Variants in CMIP observed in about 807,000 individuals in gnomAD.
CMIP encodes c-Maf inducing protein, also known as C-Maf-inducing protein.
In CMIP, 13 loss-of-function variants were observed where a neutral mutation model predicts 97.3. The observed-to-expected ratio is 0.13, with a 90% CI of 0.09 to 0.21. CMIP has a LOEUF of 0.21. CMIP is among the 10% of genes least tolerant of loss of function. The pLI, the probability that CMIP is intolerant of heterozygous loss-of-function variation, is 1.00. For synonymous variants in CMIP, 538 were observed against 436.3 expected (o/e 1.23, Z -2.91); for missense variants, 847 against 1,024.9 (o/e 0.83, Z 2.37).
chr16:81,538,172 G>C (rs1366836360), intron 1 of CMIP, among the ~76,000 whole-genome samples: 2 of 152,228 alleles, frequency 1.3e-5, no homozygotes, highest in East Asian at 3.8e-4. Flanking sequence ...ACTTGCTCCA[G>C]ATTAGGGAAG....
chr16:81,588,352 G>C (rs1016748428), intron 1 of CMIP, among the ~76,000 whole-genome samples: 2 of 152,164 alleles, frequency 1.3e-5, no homozygotes, highest in African/African-American at 4.8e-5. Flanking sequence ...CTTTTTAAGA[G>C]ATTTGGGGGA....
At position 81,711,256 on chromosome 16, in the gene CMIP, C is replaced by G. The variant is rs1428785177; in HGVS notation, c.*1457C>G. On this transcript the variant is annotated 3_prime_UTR_variant, in exon 21 of 21. Transcript: ENST00000537098. ...CTCCTCCGGCACCTCCAAACCTACC[C>G]CACAGTCAGTGTACTTGTTTTATAT... is the stretch of plus-strand genomic sequence containing the variant. 6.6e-6 allele frequency: 1 copy of G among 152,436 alleles called. No homozygotes were observed. The highest frequency in any genetic ancestry group is 2.4e-5 in the African/African-American group (1 of 41,384). The allele number at this position is 152,436 out of a possible 1,614,324, so 9.4% of individuals were successfully genotyped here. A position where few individuals can be genotyped will look rare whatever the true frequency, so the allele number is the denominator to read the frequency against.
At chr16:81,645,264 C>T in intron 3 of CMIP, 1 of 750,628 alleles carries the variant, frequency 1.3e-6, no homozygotes. Flanking sequence ...CTCATATTTC[C>T]CTGTGGGGTC....
At chr16:81,705,474 G>T (rs1422514906) in intron 18 of CMIP, 25 bp from the exon 19 acceptor site, 1 of 1,530,194 alleles carries the variant, frequency 6.5e-7, no homozygotes, top group Non-Finnish European at 8.9e-7. Context: ...GCCGGGAGAG[G>T]GCTGAGAGTT....
At chr16:81,608,616 A>T (rs2150943315) in intron 2 of CMIP, among the ~76,000 whole-genome samples, 2 of 152,016 alleles carry the variant, frequency 1.3e-5, no homozygotes, top group Middle Eastern at 6.8e-3. Flanking sequence ...GGCAAGGCCC[A>T]GGTCTCGGAT....
At chr16:81,607,149 G>A (rs563564049) in intron 1 of CMIP, among the ~76,000 whole-genome samples, 28 of 152,232 alleles carry the variant, frequency 1.8e-4, no homozygotes, top group Non-Finnish European at 3.2e-4. Context: ...TCTGGAGGCC[G>A]AGTGGAGGAT....
At chr16:81,522,716 A>G (rs2090052151) in intron 1 of CMIP, among the ~76,000 whole-genome samples, 1 of 152,174 alleles carries the variant, frequency 6.6e-6, no homozygotes, top group Admixed American at 6.5e-5. Context: ...GAGCATTGTT[A>G]GTATGTTGTC....
At chr16:81,517,908 C>T (rs2089947434) in intron 1 of CMIP, 1 of 982,310 alleles carries the variant, frequency 1.0e-6, no homozygotes, top group Non-Finnish European at 1.2e-6. Flanking sequence ...TCAATGTGGA[C>T]CTCCTGCCAC....
chr16:81,536,476 AG>A (rs2090345029), intron 1 of CMIP, among the ~76,000 whole-genome samples: 1 of 152,242 alleles, frequency 6.6e-6, no homozygotes, highest in Non-Finnish European at 1.5e-5. Flanking sequence ...AATGGTGATA[AG>A]ATACACAGAA....
At chr16:81,660,123 T>C (rs2092528598) in intron 5 of CMIP, among the ~76,000 whole-genome samples, 1 of 152,084 alleles carries the variant, frequency 6.6e-6, no homozygotes, top group Non-Finnish European at 1.5e-5. Flanking sequence ...TCCGGCTCAC[T>C]ATGGAAGGCG....
chr16:81,658,010 G>A (rs905172034), intron 5 of CMIP, among the ~76,000 whole-genome samples, 194 bp downstream of exon 5: 6 of 151,032 alleles, frequency 4.0e-5, no homozygotes, highest in East Asian at 1.9e-4. Flanking sequence ...TGATAGGAGC[G>A]GGAGTGTAAT....
At chr16:81,617,712 C>A (rs2091938917) in intron 2 of CMIP, among the ~76,000 whole-genome samples, 1 of 152,208 alleles carries the variant, frequency 6.6e-6, no homozygotes, top group Admixed American at 6.5e-5. Flanking sequence ...CTGGCCCAGC[C>A]AGGCACTGCT....
chr16:81,657,556 A>G (rs1294828072), intron 4 of CMIP, among the ~76,000 whole-genome samples: 2 of 152,140 alleles, frequency 1.3e-5, no homozygotes, highest in Non-Finnish European at 2.9e-5. Context: ...AAACAGGGAC[A>G]AGAACTCAGT....
intron 7 of CMIP, chr16:81,664,928 C>G (rs2092587338): frequency 6.4e-6 from 1 of 156,752 alleles, no homozygotes; most frequent in Non-Finnish European, 1.4e-5. Flanking sequence ...AAACATCAGA[C>G]AAATCCCAAC....
At chr16:81,667,031 T>G (rs1390472904) in intron 7 of CMIP, 2 of 151,644 alleles carry the variant, frequency 1.3e-5, no homozygotes, top group African/African-American at 4.8e-5. Context: ...ATGAGCCTGT[T>G]GGGGTGGCAT....
At chr16:81,555,496 C>T (rs1213746579) in intron 1 of CMIP, among the ~76,000 whole-genome samples, 2 of 152,204 alleles carry the variant, frequency 1.3e-5, no homozygotes, top group African/African-American at 4.8e-5. Context: ...CACACAGACT[C>T]AGTGTGCACA....
chr16:81,548,870 A>T (rs1391683560), intron 1 of CMIP, among the ~76,000 whole-genome samples: 1 of 152,104 alleles, frequency 6.6e-6, no homozygotes, highest in Non-Finnish European at 1.5e-5. Flanking sequence ...AGGAAAAAGG[A>T]AGCTGTGTCT....
chr16:81,477,574 C>T (rs1908004859), intron 1 of CMIP, among the ~76,000 whole-genome samples: 2 of 152,370 alleles, frequency 1.3e-5, no homozygotes, highest in South Asian at 2.1e-4. Context: ...GGACTGTCGT[C>T]ATCAGCACTC....
At chr16:81,696,140 A>G (rs2151087777) in intron 13 of CMIP, 1 of 265,728 alleles carries the variant, frequency 3.8e-6, no homozygotes, top group South Asian at 3.7e-5. Context: ...ACAGAGAACC[A>G]AACAGAGAAC....
Sources: allele counts gnomAD v4.1 joint callset (sites outside exome capture counted in the v4.1 genomes callset), GRCh38; gene constraint gnomAD v4.1.1; transcripts MANE v1.5; gene names NCBI Gene and HGNC (gene_info 2026-07-23, HGNC 2026-07-21).